Variants in ETV6 observed in about 807,000 individuals in gnomAD.
ETV6 encodes ETS variant transcription factor 6, also known as transcription factor ETV6.
A neutral mutation model predicts 51.1 loss-of-function variants in ETV6; 16 were observed. The observed-to-expected ratio is 0.31, with a 90% CI of 0.21 to 0.48. The LOEUF is 0.48. ETV6 is among the 20% of genes least tolerant of loss of function. ETV6 has a pLI of 0.99. For synonymous variants in ETV6, 240 were observed against 224.1 expected (o/e 1.07, Z -0.64); for missense variants, 458 against 594.8 (o/e 0.77, Z 2.39).
intron 1 of ETV6, among the ~76,000 whole-genome samples, chr12:11,707,445 A>G (rs1015048033): frequency 2.0e-5 from 3 of 152,204 alleles, no homozygotes; most frequent in African/African-American, 4.8e-5. Context: ...CTGCGTTTCC[A>G]TCGATCCCTT....
At chr12:11,883,329 T>G (rs1389776539) in intron 5 of ETV6, among the ~76,000 whole-genome samples, 1 of 138,444 alleles carries the variant, frequency 7.2e-6, no homozygotes, top group Non-Finnish European at 1.5e-5. Context: ...AGTCTCACTT[T>G]GTCACCGAGG....
At chr12:11,796,386 A>G (rs953120181) in intron 2 of ETV6, among the ~76,000 whole-genome samples, 2 of 152,194 alleles carry the variant, frequency 1.3e-5, no homozygotes, top group African/African-American at 4.8e-5. Context: ...GCCTCGTGCC[A>G]TTTATCATTC....
chr12:11,885,803 C>T (rs2136601687), intron 6 of ETV6, 123 bp from the exon 7 acceptor site: 1 of 664,630 alleles, frequency 1.5e-6, no homozygotes, highest in Non-Finnish European at 2.6e-6. Context: ...GCTTCCCAAA[C>T]TGGCAGGGCC....
At chr12:11,716,663 A>G (rs898730336) in intron 1 of ETV6, 6 of 152,222 alleles carry the variant, frequency 3.9e-5, no homozygotes, top group African/African-American at 1.2e-4. Flanking sequence ...GCATTTCTCT[A>G]TCTCTGAAAT....
chr12:11,860,371 G>A (rs986331067), intron 4 of ETV6, among the ~76,000 whole-genome samples: 3 of 152,202 alleles, frequency 2.0e-5, no homozygotes, highest in South Asian at 2.1e-4. Context: ...ACGTATATGC[G>A]TGCACTCTAC....
chr12:11,800,755 G>T (rs1591683049), intron 2 of ETV6, among the ~76,000 whole-genome samples: 1 of 152,078 alleles, frequency 6.6e-6, no homozygotes. Flanking sequence ...CCAGAAAGGG[G>T]GACCAGTTAC....
intron 2 of ETV6, among the ~76,000 whole-genome samples, chr12:11,790,361 C>T (rs1167080422): frequency 6.6e-6 from 1 of 152,166 alleles, no homozygotes; most frequent in African/African-American, 2.4e-5. Context: ...TGATGGACCC[C>T]TCAAGCACTG....
rs35812814 is a variant in ETV6 at position 11,892,210 on chromosome 12, ATTTTTT to A, written c.*1182_*1187del. 7.8e-5 allele frequency: 12 copies of A among 153,552 alleles called. No homozygotes were observed. Among genetic ancestry groups the A allele is most frequent in the East Asian group, 1.6e-4 (2 of 12,220 alleles). The allele number at this position is 153,552 out of a possible 1,614,324, so 9.5% of individuals were successfully genotyped here. The stretch of plus-strand genomic sequence containing the variant: ...GTGGTCAGTTTCATGCCCTCACCTG[ATTTTTT>A]TTTTTTTTTTTTTTTTTCAATTCCT... On this transcript the variant is annotated 3_prime_UTR_variant, in exon 8 of 8. Transcript: ENST00000396373.
chr12:11,859,332 A>T (rs1044734186), intron 4 of ETV6, among the ~76,000 whole-genome samples: 1 of 151,286 alleles, frequency 6.6e-6, no homozygotes, highest in Admixed American at 6.6e-5. Context: ...TAGTAGAGAC[A>T]GGGTTTCGCC....
intron 1 of ETV6, among the ~76,000 whole-genome samples, chr12:11,693,730 T>A (rs900587400): frequency 6.6e-6 from 1 of 152,194 alleles, no homozygotes; most frequent in African/African-American, 2.4e-5. Context: ...CCCTGCACTA[T>A]CTCTGTCCCC....
chr12:11,853,502 A>G lies in ETV6; in HGVS notation c.404A>G (p.His135Arg), dbSNP rs201130440. The G allele has an allele frequency of 1.9e-6, 3 of 1,614,024 alleles. No homozygotes were observed. Among genetic ancestry groups the G allele is most frequent in the Admixed American group, 3.3e-5 (2 of 60,006 alleles). ...KPRILFSPFF[H>R]PGNSIHTQPE... is the part of the protein sequence containing the mutation. ...CGGATTCTTTTTTCACCATTCTTCCACCCTGGAAACTCTATACACACACAG... is the reference window on the plus strand; with the variant it reads ...CGGATTCTTTTTTCACCATTCTTCCGCCCTGGAAACTCTATACACACACAG... Residue 135 changes from histidine (H) to arginine (R), a missense_variant, in exon 4 of 8, where the codon CAC becomes CGC. By Grantham distance (29) the His-to-Arg change is conservative. Around this residue, in one of 4 missense-constraint regions of ETV6, gnomAD observed 293 missense variants for 315.7 expected, o/e 0.93. Transcript: ENST00000396373.
chr12:11,678,443 A>G (rs2120732571), intron 1 of ETV6, among the ~76,000 whole-genome samples: 1 of 152,306 alleles, frequency 6.6e-6, no homozygotes. Flanking sequence ...TTTATGCCAT[A>G]TACTCTACAA....
At chr12:11,825,664 G>A (rs1946143033) in intron 2 of ETV6, 1 of 152,132 alleles carries the variant, frequency 6.6e-6, no homozygotes, top group East Asian at 1.9e-4. Context: ...TTAGGACACG[G>A]ACATTTCTAT....
At chr12:11,785,096 A>G (rs1414938566) in intron 2 of ETV6, among the ~76,000 whole-genome samples, 1 of 152,018 alleles carries the variant, frequency 6.6e-6, no homozygotes, top group South Asian at 2.1e-4. Flanking sequence ...CATTCTAGCT[A>G]TTGTGTAGAG....
At chr12:11,710,826 TAG>T (rs1295345036) in intron 1 of ETV6, among the ~76,000 whole-genome samples, 1 of 152,222 alleles carries the variant, frequency 6.6e-6, no homozygotes, top group African/African-American at 2.4e-5. Flanking sequence ...AGAAATCCTG[TAG>T]GGTACCTCTA....
chr12:11,650,285 G>T, intron 1 of ETV6, 125 bp downstream of exon 1: 1 of 817,394 alleles, frequency 1.2e-6, no homozygotes. Flanking sequence ...TATTTGGGGC[G>T]AGAGGGAAAG....
At chr12:11,731,679 T>C (rs767041243) in intron 1 of ETV6, among the ~76,000 whole-genome samples, 1 of 152,198 alleles carries the variant, frequency 6.6e-6, no homozygotes, top group Non-Finnish European at 1.5e-5. Flanking sequence ...TCATATTGTT[T>C]CTTTTATGAA....
At chr12:11,664,403 G>C (rs1864157531) in intron 1 of ETV6, among the ~76,000 whole-genome samples, 1 of 152,052 alleles carries the variant, frequency 6.6e-6, no homozygotes, top group South Asian at 2.1e-4. Context: ...TATGAGAGGA[G>C]ATGGCAGCTT....
intron 2 of ETV6, among the ~76,000 whole-genome samples, chr12:11,817,104 C>T (rs1382053184): frequency 6.6e-6 from 1 of 152,240 alleles, no homozygotes. Flanking sequence ...CCAGCACTCA[C>T]TGGACTCAGG....
Sources: gnomAD v4.1 joint callset for allele counts (sites outside exome capture counted in the v4.1 genomes callset) on GRCh38, gnomAD v4.1.1 for gene constraint, gnomAD v4.1.1 regional missense constraint, MANE v1.5 for transcripts, NCBI Gene and HGNC (gene_info 2026-07-23, HGNC 2026-07-21) for gene names.